Variants in TMEM178B observed in about 807,000 individuals in gnomAD.
TMEM178B encodes transmembrane protein 178B.
TMEM178B carries 5 observed loss-of-function variants against 31.0 expected under a neutral mutation model. That is an observed-to-expected ratio of 0.16 (90% CI 0.08 to 0.34). The LOEUF is 0.34. Among genes scored for constraint, TMEM178B ranks in the 10% least tolerant of loss-of-function variants. The pLI, the probability that TMEM178B is intolerant of heterozygous loss-of-function variation, is 1.00. For synonymous variants in TMEM178B, 164 were observed against 164.0 expected (o/e 1.00, Z 0.00); for missense variants, 275 against 400.3 (o/e 0.69, Z 2.67).
intron 2 of TMEM178B, among the ~76,000 whole-genome samples, chr7:141,278,602 A>T (rs1798305773): frequency 6.6e-6 from 1 of 152,138 alleles, no homozygotes; most frequent in African/African-American, 2.4e-5. Context: ...AAAAATAAAA[A>T]AATAAAAAAT....
intron 2 of TMEM178B, among the ~76,000 whole-genome samples, chr7:141,383,059 T>C (rs1486165582): frequency 1.3e-5 from 2 of 152,182 alleles, no homozygotes; most frequent in African/African-American, 4.8e-5. Flanking sequence ...TGGGCCAGGG[T>C]AGGAGGCTGC....
chr7:141,185,541 C>T (rs948379756), intron 1 of TMEM178B, among the ~76,000 whole-genome samples: 2 of 152,112 alleles, frequency 1.3e-5, no homozygotes, highest in Non-Finnish European at 2.9e-5. Context: ...AACGCGCAGC[C>T]GCTTGTGTGT....
intron 2 of TMEM178B, among the ~76,000 whole-genome samples, chr7:141,289,274 A>G (rs1005511835): frequency 1.4e-4 from 22 of 152,190 alleles, no homozygotes; most frequent in African/African-American, 5.3e-4. Context: ...TAGAAGCTAA[A>G]TAGCCTTATG....
At chr7:141,291,420 T>C (rs536689349) in intron 2 of TMEM178B, among the ~76,000 whole-genome samples, 6 of 152,302 alleles carry the variant, frequency 3.9e-5, no homozygotes, top group Non-Finnish European at 7.3e-5. Flanking sequence ...CCCCCGTTCC[T>C]GGAAGGAAAG....
chr7:141,231,986 T>C lies in TMEM178B; in HGVS notation c.496+19282T>C, dbSNP rs371522737. On this transcript the variant is annotated intron_variant, in intron 2 of 3. Coordinates refer to ENST00000565468, the MANE Select transcript of TMEM178B (RefSeq NM_001195278.2). ...CCACCCCCAACCCTACAGGCCCTGG[T>C]GTGTGATGTTCCCCACCCATGTTTC... 4.3e-4 allele frequency among the ~76,000 whole-genome samples: 66 copies of C among 152,188 alleles called. No individual in the cohort carries two copies. In the South Asian group the frequency reaches 5.0e-3, roughly 12 times the overall value.
chr7:141,324,174 T>C (rs1365478465), intron 2 of TMEM178B, among the ~76,000 whole-genome samples: 6 of 152,130 alleles, frequency 3.9e-5, no homozygotes, highest in Non-Finnish European at 8.8e-5. Context: ...TGAGAAGCTT[T>C]GATCGGAGGA....
At chr7:141,234,354 C>T (rs1797494019) in intron 2 of TMEM178B, among the ~76,000 whole-genome samples, 1 of 152,090 alleles carries the variant, frequency 6.6e-6, no homozygotes, top group Admixed American at 6.5e-5. Context: ...TGAACAATGG[C>T]TGGGACTTCC....
At chr7:141,175,847 G>A (rs1311826613) in intron 1 of TMEM178B, among the ~76,000 whole-genome samples, 2 of 152,096 alleles carry the variant, frequency 1.3e-5, no homozygotes, top group African/African-American at 4.8e-5. Context: ...TCAGCTTAAG[G>A]AGATATTGGG....
At chr7:141,252,830 G>A (rs939898762) in intron 2 of TMEM178B, among the ~76,000 whole-genome samples, 1 of 152,232 alleles carries the variant, frequency 6.6e-6, no homozygotes, top group African/African-American at 2.4e-5. Flanking sequence ...GTTAGCACCA[G>A]GTGTCCTGGG....
chr7:141,143,194 T>G (rs1273418750), intron 1 of TMEM178B, among the ~76,000 whole-genome samples: 1 of 152,242 alleles, frequency 6.6e-6, no homozygotes, highest in African/African-American at 2.4e-5. Flanking sequence ...TAGTTTATTT[T>G]GCTGTGCAGA....
At chr7:141,203,004 A>G (rs766774230) in intron 1 of TMEM178B, among the ~76,000 whole-genome samples, 18 of 152,014 alleles carry the variant, frequency 1.2e-4, no homozygotes, top group Admixed American at 1.3e-4. Context: ...TTAATCTCCA[A>G]TCTTTAAGCC....
At chr7:141,172,781 G>C (rs2129182933) in intron 1 of TMEM178B, among the ~76,000 whole-genome samples, 1 of 152,304 alleles carries the variant, frequency 6.6e-6, no homozygotes, top group Non-Finnish European at 1.5e-5. Context: ...ACTTAATTTT[G>C]TGTAAGTTCC....
At chr7:141,248,516 G>T (rs1797776586) in intron 2 of TMEM178B, among the ~76,000 whole-genome samples, 2 of 152,192 alleles carry the variant, frequency 1.3e-5, no homozygotes, top group South Asian at 4.1e-4. Flanking sequence ...TACTTATACA[G>T]ACATTGACGG....
intron 2 of TMEM178B, among the ~76,000 whole-genome samples, chr7:141,237,848 AC>A (rs1397511164): frequency 9.9e-5 from 15 of 151,940 alleles, no homozygotes; most frequent in Admixed American, 7.2e-4. Flanking sequence ...ACATGGCGAA[AC>A]CCCGTCTCTA....
intron 2 of TMEM178B, chr7:141,352,377 A>ATT (rs5888001): frequency 1.6e-3 from 210 of 132,260 alleles, no homozygotes; most frequent in African/African-American, 5.2e-3. Flanking sequence ...GGAGTCCACT[A>ATT]TTTTTTTTTT....
intron 1 of TMEM178B, among the ~76,000 whole-genome samples, chr7:141,101,276 T>A (rs904158861): frequency 2.6e-5 from 4 of 152,256 alleles, no homozygotes; most frequent in Non-Finnish European, 5.9e-5. Flanking sequence ...TTAATTAATT[T>A]ATGAATGACA....
At chr7:141,312,538 C>T (rs1798929846) in intron 2 of TMEM178B, among the ~76,000 whole-genome samples, 1 of 152,190 alleles carries the variant, frequency 6.6e-6, no homozygotes, top group Non-Finnish European at 1.5e-5. Flanking sequence ...ATTTCAATGG[C>T]CCTGAGAGGT....
intron 2 of TMEM178B, among the ~76,000 whole-genome samples, chr7:141,273,009 C>T (rs971825426): frequency 1.3e-4 from 20 of 152,134 alleles, no homozygotes; most frequent in African/African-American, 3.9e-4. Flanking sequence ...GTAACATATG[C>T]GCACATATAT....
At chr7:141,177,406 A>C (rs1400245096) in intron 1 of TMEM178B, among the ~76,000 whole-genome samples, 2 of 152,192 alleles carry the variant, frequency 1.3e-5, no homozygotes, top group African/African-American at 4.8e-5. Flanking sequence ...GGAGCGGAGA[A>C]GAATGTATAT....
Sources: gnomAD v4.1 joint callset for allele counts (sites outside exome capture counted in the v4.1 genomes callset) on GRCh38, gnomAD v4.1.1 for gene constraint, MANE v1.5 for transcripts, NCBI Gene and HGNC (gene_info 2026-07-23, HGNC 2026-07-21) for gene names.